Variants in DGKB observed in about 807,000 individuals in gnomAD.
The protein encoded by DGKB is diacylglycerol kinase beta.
Under a neutral mutation model 114.3 loss-of-function variants are expected in DGKB, and 67 were observed. The ratio of observed to expected loss-of-function variants is 0.59; its 90% CI spans 0.48 to 0.72. The LOEUF (loss-of-function observed/expected upper bound fraction) is 0.72. Ranked by LOEUF, DGKB falls within the 30% of genes least tolerant of loss-of-function variation. DGKB has a pLI of 0.00. For missense variants in DGKB, 907 were observed against 975.2 expected (o/e 0.93, Z 0.93); for synonymous variants, 398 against 323.1 (o/e 1.23, Z -2.49).
intron 21 of DGKB, among the ~76,000 whole-genome samples, chr7:14,393,568 C>T (rs986565174): frequency 6.6e-6 from 1 of 152,044 alleles, no homozygotes; most frequent in African/African-American, 2.4e-5. Context: ...ATTATCTGGC[C>T]TTTACAGGAA....
At chr7:14,809,514 T>C (rs114394355) in intron 2 of DGKB, among the ~76,000 whole-genome samples, 1 of 152,150 alleles carries the variant, frequency 6.6e-6, no homozygotes, top group Non-Finnish European at 1.5e-5. Flanking sequence ...TTTAATAGCA[T>C]CCATGTAAGA....
At chr7:14,561,979 T>G (rs1796723270) in intron 20 of DGKB, among the ~76,000 whole-genome samples, 1 of 152,038 alleles carries the variant, frequency 6.6e-6, no homozygotes, top group South Asian at 2.1e-4. Flanking sequence ...CCTGGGGGCC[T>G]TGGAGGAAAA....
chr7:14,539,282 G>A (rs971656772), intron 20 of DGKB, among the ~76,000 whole-genome samples: 1 of 152,072 alleles, frequency 6.6e-6, no homozygotes, highest in African/African-American at 2.4e-5. Context: ...CATTAATTAT[G>A]TGTGGTTTCA....
At chr7:14,956,782 G>C (rs1325226124) in intron 1 of DGKB, among the ~76,000 whole-genome samples, 2 of 151,994 alleles carry the variant, frequency 1.3e-5, no homozygotes, top group African/African-American at 4.8e-5. Context: ...AGATCCGTAG[G>C]TGTCAGCATT....
At chr7:14,439,601 T>C (rs904484659) in intron 21 of DGKB, among the ~76,000 whole-genome samples, 40 of 152,182 alleles carry the variant, frequency 2.6e-4, no homozygotes, top group African/African-American at 8.9e-4. Flanking sequence ...CAGTGGCTCA[T>C]GCCTGTAATT....
At chr7:14,471,650 GA>G (rs1298023928) in intron 21 of DGKB, among the ~76,000 whole-genome samples, 1 of 151,658 alleles carries the variant, frequency 6.6e-6, no homozygotes, top group East Asian at 2.0e-4. Context: ...TAAAGGCTGA[GA>G]AAACTAAAAG....
At chr7:14,606,822 T>G (rs913196778) in intron 17 of DGKB, among the ~76,000 whole-genome samples, 2 of 152,066 alleles carry the variant, frequency 1.3e-5, no homozygotes, top group African/African-American at 4.8e-5. Flanking sequence ...TCTTACCTGT[T>G]AACAATGAAG....
At chr7:14,390,367 G>C (rs1032153822) in intron 21 of DGKB, among the ~76,000 whole-genome samples, 1 of 152,092 alleles carries the variant, frequency 6.6e-6, no homozygotes, top group African/African-American at 2.4e-5. Flanking sequence ...TGTACTAACA[G>C]CTTGGCAATG....
intron 23 of DGKB, among the ~76,000 whole-genome samples, chr7:14,299,691 G>A (rs1243425716): frequency 6.6e-6 from 1 of 152,038 alleles, no homozygotes; most frequent in Non-Finnish European, 1.5e-5. Context: ...AAGGGTATGA[G>A]GGGAAGAGGT....
At chr7:14,899,241 C>T (rs1587308296) in intron 1 of DGKB, among the ~76,000 whole-genome samples, 2 of 152,056 alleles carry the variant, frequency 1.3e-5, no homozygotes, top group Admixed American at 6.6e-5. Context: ...CAAGAATCAG[C>T]GATATGTCCA....
rs146838229 is a variant in DGKB, at chr7:14,389,273, A to G, written c.1836-43882T>C. Among the ~76,000 whole-genome samples the G allele has an allele frequency of 3.3e-3, 499 of 152,330 alleles. 2 individuals are homozygous for G. The highest frequency in any genetic ancestry group is 0.027 in the Middle Eastern group (8 of 294). ...AAATTACTGTTTTCACCCATCAAAC[A>G]TAGAAAATGCTCCATGTGAGCCTTG... is the stretch of plus-strand genomic sequence containing the variant. On this transcript the variant is annotated intron_variant, in intron 21 of 25. Coordinates refer to ENST00000402815, the MANE Select transcript of DGKB (RefSeq NM_001350709.2).
rs1841675204 is a variant in DGKB at position 14,798,210 on chromosome 7, A to G, written c.71-40479T>C. ...GTCTTGGACTCTATCCGGAACTGTC[A>G]GTTGTGTTTTCAGGATTTAAACTGT... On this transcript the variant is annotated intron_variant, in intron 2 of 25. Coordinates refer to ENST00000402815, the MANE Select transcript of DGKB (RefSeq NM_001350709.2). Among the ~76,000 whole-genome samples, 3 of 152,298 alleles carry G rather than the reference A, an allele frequency of 2.0e-5. No individual in the cohort carries two copies. In the South Asian group the frequency reaches 6.2e-4, roughly 32 times the overall value.
At chr7:14,347,727 A>G (rs1304078028) in intron 21 of DGKB, among the ~76,000 whole-genome samples, 2 of 152,006 alleles carry the variant, frequency 1.3e-5, no homozygotes, top group Non-Finnish European at 2.9e-5. Flanking sequence ...ATAATAATGT[A>G]TGGTAGCAAG....
chr7:14,927,589 A>G (rs1784811055), intron 1 of DGKB, among the ~76,000 whole-genome samples: 1 of 151,274 alleles, frequency 6.6e-6, no homozygotes, highest in East Asian at 1.9e-4. Flanking sequence ...ATGGTCAAAA[A>G]ATATTAAAAT....
rs28441074 is a variant in DGKB, at chr7:14,801,929, C to T, written c.70+39265G>A. On this transcript the variant is annotated intron_variant, in intron 2 of 25. Coordinates refer to ENST00000402815, the MANE Select transcript of DGKB (RefSeq NM_001350709.2). ...ATATACACACATATATACATATACA[C>T]ACACACACACACACACACGCACACA... 5.3e-5 allele frequency among the ~76,000 whole-genome samples: 8 copies of T among 150,380 alleles called. No individual in the cohort carries two copies. In the Admixed American group the frequency reaches 5.3e-4, roughly 10 times the overall value.
chr7:14,925,696 T>C (rs1243834217), intron 1 of DGKB, among the ~76,000 whole-genome samples: 1 of 152,186 alleles, frequency 6.6e-6, no homozygotes, highest in East Asian at 1.9e-4. Flanking sequence ...AGTTGTCATA[T>C]GTTCATAATT....
intron 25 of DGKB, among the ~76,000 whole-genome samples, chr7:14,152,367 CATT>C (rs1333361737): frequency 1.3e-5 from 2 of 151,962 alleles, no homozygotes; most frequent in Non-Finnish European, 2.9e-5. Context: ...GAGACTCTGA[CATT>C]ATTATTTGAA....
At chr7:14,820,686 T>C (rs78507868) in intron 2 of DGKB, among the ~76,000 whole-genome samples, 3,191 of 152,294 alleles carry the variant, frequency 0.021, 57 homozygotes, top group Non-Finnish European at 0.033. Context: ...GAATGTTTCA[T>C]GTAAGCGTGT....
intron 22 of DGKB, among the ~76,000 whole-genome samples, chr7:14,341,711 G>A (rs903338279): frequency 6.6e-6 from 1 of 151,846 alleles, no homozygotes; most frequent in African/African-American, 2.4e-5. Flanking sequence ...TTCTGCCAAT[G>A]TGTTTTAACC....
Sources: gnomAD v4.1 joint callset for allele counts (sites outside exome capture counted in the v4.1 genomes callset) on GRCh38, gnomAD v4.1.1 for gene constraint, MANE v1.5 for transcripts, NCBI Gene and HGNC (gene_info 2026-07-23, HGNC 2026-07-21) for gene names.